The following SPIRE2 variants were observed in gnomAD, a reference collection of about 807,000 sequenced individuals.
SPIRE2 encodes spire type actin nucleation factor 2.
Under a neutral mutation model 80.7 loss-of-function variants are expected in SPIRE2, and 76 were observed. The observed-to-expected ratio is 0.94, with a 90% CI of 0.78 to 1.14. The LOEUF (loss-of-function observed/expected upper bound fraction) is 1.14. Ranked by LOEUF, SPIRE2 falls within the 50% of genes most tolerant of loss-of-function variation. SPIRE2 has a pLI of 0.00. For missense variants in SPIRE2, 1,196 were observed against 1,015.3 expected (o/e 1.18, Z -2.42); for synonymous variants, 535 against 432.6 (o/e 1.24, Z -2.94).
intron 1 of SPIRE2, among the ~76,000 whole-genome samples, chr16:89,839,670 A>G (rs2041485314): frequency 6.6e-6 from 1 of 152,218 alleles, no homozygotes; most frequent in Non-Finnish European, 1.5e-5. Flanking sequence ...AGCAGCGGCC[A>G]CGTGCGGGGG....
chr16:89,855,780 GC>G, intron 6 of SPIRE2, 94 bp downstream of exon 6: 1 of 1,305,778 alleles, frequency 7.7e-7, no homozygotes, highest in Non-Finnish European at 1.1e-6. Flanking sequence ...TCTTCCTGTG[GC>G]CAGCCTGGGA....
intron 1 of SPIRE2, among the ~76,000 whole-genome samples, chr16:89,833,758 C>A (rs907271275): frequency 6.6e-6 from 1 of 152,076 alleles, no homozygotes; most frequent in Admixed American, 6.5e-5. Context: ...GGGAGCAGCA[C>A]GTGTGGGTCC....
intron 1 of SPIRE2, among the ~76,000 whole-genome samples, chr16:89,831,971 G>A (rs1412763490): frequency 6.6e-6 from 1 of 152,254 alleles, no homozygotes; most frequent in Non-Finnish European, 1.5e-5. Context: ...GCAGCACGGG[G>A]CACCGTGTCC....
intron 1 of SPIRE2, among the ~76,000 whole-genome samples, chr16:89,839,445 G>C (rs1708089390): frequency 6.6e-6 from 1 of 151,938 alleles, no homozygotes; most frequent in South Asian, 2.1e-4. Context: ...AGGAGTGTTG[G>C]CAGTGGGTGG....
intron 1 of SPIRE2, among the ~76,000 whole-genome samples, chr16:89,835,865 C>T (rs752770836): frequency 3.4e-4 from 52 of 151,984 alleles, no homozygotes; most frequent in African/African-American, 1.1e-3. Flanking sequence ...GGGAGGAGTG[C>T]GTGGGAGTAG....
In SPIRE2 at chr16:89,828,808, C is replaced by T; in HGVS notation, c.244+14C>T. 1.7e-6 allele frequency: 2 copies of T among 1,176,258 alleles called. No homozygotes were observed. The highest frequency in any genetic ancestry group is 1.6e-5 in the African/African-American group (1 of 62,184). 72.9% of individuals were successfully genotyped at this position (1,176,258 alleles called of 1,614,324 possible). On this transcript the variant is annotated intron_variant, in intron 1 of 14. Coordinates refer to ENST00000378247, the MANE Select transcript of SPIRE2 (RefSeq NM_032451.2). The surrounding 1 kb of genome is among the most constrained non-coding windows in gnomAD (Gnocchi z 5.9). ...CCGAGGCCGCGGGTGAGGCCGGGGG[C>T]GGGGCAGCCGGCGGGGACCGCGGTC...
chr16:89,838,164 A>ATTTTTTC (rs2041468841), intron 1 of SPIRE2, among the ~76,000 whole-genome samples: 1 of 87,514 alleles, frequency 1.1e-5, no homozygotes, highest in Non-Finnish European at 2.1e-5. Context: ...CACGCTCAGC[A>ATTTTTTC]TTTTTTTTTT....
At chr16:89,862,400 CAT>C (rs1488877987) in intron 10 of SPIRE2, 1 of 152,408 alleles carries the variant, frequency 6.6e-6, no homozygotes, top group African/African-American at 2.4e-5. Context: ...CCACAGGTCA[CAT>C]GAGTGGTTCT....
intron 13 of SPIRE2, among the ~76,000 whole-genome samples, chr16:89,869,052 A>AT (rs1331409121): frequency 1.0e-3 from 78 of 74,590 alleles, no homozygotes; most frequent in Non-Finnish European, 1.1e-3. Flanking sequence ...AAAAAAAAAA[A>AT]AATATATATA....
At chr16:89,865,519 C>G (rs1037472636) in intron 12 of SPIRE2, among the ~76,000 whole-genome samples, 3 of 151,700 alleles carry the variant, frequency 2.0e-5, no homozygotes, top group South Asian at 4.2e-4. Flanking sequence ...AGTAATTAAT[C>G]CAAAAAAAGG....
Position 89,863,841 on chromosome 16 carries a change from C to T in SPIRE2, c.1758C>T (p.Pro586=), listed in dbSNP as rs376664473. ...RAKFPLFSWP[P]SCLFCKRAVC... is the part of the protein sequence containing the mutation. ...AGTTCCCGCTGTTCTCGTGGCCGCC[C>T]AGCTGTCTCTTCTGCAAGAGGTGAG... Residue 586 remains proline, a synonymous_variant, in exon 12 of 15, where the codon CCC becomes CCT. Transcript: ENST00000378247. The surrounding 1 kb of genome is among the most constrained non-coding windows in gnomAD (Gnocchi z 4.3). The T allele has an allele frequency of 3.7e-6, 6 of 1,613,856 alleles. No individual in the cohort carries two copies. The highest frequency in any genetic ancestry group is 1.7e-5 in the Admixed American group (1 of 59,976).
intron 12 of SPIRE2, among the ~76,000 whole-genome samples, chr16:89,866,101 A>C (rs1009124749): frequency 1.3e-5 from 2 of 151,344 alleles, no homozygotes; most frequent in Non-Finnish European, 2.9e-5. Flanking sequence ...GTGAGCTATG[A>C]CGGTGTCACT....
chr16:89,868,144 G>A, intron 12 of SPIRE2, 45 bp from the exon 13 acceptor site: 1 of 1,612,708 alleles, frequency 6.2e-7, no homozygotes, highest in South Asian at 1.1e-5. Flanking sequence ...AGCTGTTTGT[G>A]GGCTTCCTCC....
rs758072217 is a variant in SPIRE2 at position 89,854,287 on chromosome 16, T to G, written c.647T>G (p.Met216Arg). ...FLARVREAKE[M>R]LQKLREDEPH... Reference sequence around the variant, plus strand: ...ACTGACGAGCACGTGTGGTCACAGATGCTGCAGAAGCTTCGGGAGGACGAG... The same window carrying G: ...ACTGACGAGCACGTGTGGTCACAGAGGCTGCAGAAGCTTCGGGAGGACGAG... Residue 216 changes from methionine (M) to arginine (R), a missense_variant and splice_region_variant, in exon 4 of 15, where the codon ATG becomes AGG. By Grantham distance (91) the Met-to-Arg change is moderately conservative. Transcript: ENST00000378247. The G allele has an allele frequency of 1.2e-6, 2 of 1,611,890 alleles. No homozygotes were observed. The highest frequency in any genetic ancestry group is 1.7e-6 in the Non-Finnish European group (2 of 1,179,560).
rs549764328 is a variant in SPIRE2 at position 89,840,574 on chromosome 16, T to A, written c.245-4748T>A. ...AAATCCTTTCAAAGTTATATTTTAA[T>A]GTTACCGTAATGTTTCTCTCAAAAG... On this transcript the variant is annotated intron_variant, in intron 1 of 14. Transcript: ENST00000378247. 2.0e-5 allele frequency among the ~76,000 whole-genome samples: 3 copies of A among 150,988 alleles called. No individual in the cohort carries two copies. The South Asian group carries it at 6.3e-4, about 32-fold the overall frequency.
At chr16:89,840,424 G>T (rs1003462035) in intron 1 of SPIRE2, among the ~76,000 whole-genome samples, 31 of 150,226 alleles carry the variant, frequency 2.1e-4, no homozygotes, top group African/African-American at 5.9e-4. Context: ...TAATTTTTTA[G>T]ATTTTTAGTA....
intron 6 of SPIRE2, 46 bp from the exon 7 acceptor site, chr16:89,856,067 C>T (rs754904826): frequency 6.3e-7 from 1 of 1,589,254 alleles, no homozygotes; most frequent in Admixed American, 1.7e-5. Flanking sequence ...CGCTTCCCCA[C>T]CGCAGGTCCT....
At chr16:89,860,643 C>A in intron 9 of SPIRE2, 40 bp from the exon 10 acceptor site, 1 of 1,378,580 alleles carries the variant, frequency 7.3e-7, no homozygotes, top group Non-Finnish European at 1.0e-6. Flanking sequence ...TACCACAGCT[C>A]CTGCCAGGCA....
At chr16:89,842,848 A>G (rs2041517690) in intron 1 of SPIRE2, among the ~76,000 whole-genome samples, 1 of 152,226 alleles carries the variant, frequency 6.6e-6, no homozygotes, top group Admixed American at 6.5e-5. Context: ...CGTGGGCCAC[A>G]CATTGTTCTA....
Sources: allele counts gnomAD v4.1 joint callset (sites outside exome capture counted in the v4.1 genomes callset), GRCh38; gene constraint gnomAD v4.1.1; non-coding constraint Gnocchi (gnomAD v3.1); transcripts MANE v1.5; gene names NCBI Gene and HGNC (gene_info 2026-07-23, HGNC 2026-07-21).